Variants in MYO1E observed in about 807,000 individuals in gnomAD.
The protein encoded by MYO1E is myosin IE.
In MYO1E, 68 loss-of-function variants were observed where a neutral mutation model predicts 151.1. That is an observed-to-expected ratio of 0.45 (90% confidence interval 0.37 to 0.55). The LOEUF is 0.55. Among genes scored for constraint, MYO1E ranks in the 20% least tolerant of loss-of-function variants. The probability of loss-of-function intolerance (pLI) is 0.00; values close to 1 mark genes in which losing one functional copy is unlikely to be tolerated. For synonymous variants in MYO1E, 601 were observed against 501.7 expected (o/e 1.20, Z -2.64); for missense variants, 1,363 against 1,389.3 (o/e 0.98, Z 0.30).
intron 26 of MYO1E, among the ~76,000 whole-genome samples, chr15:59,139,622 C>T (rs553167070): frequency 1.3e-5 from 2 of 151,550 alleles, no homozygotes; most frequent in East Asian, 3.9e-4. Flanking sequence ...GCAGACGGCC[C>T]TCCTACCCCT....
chr15:59,251,257 T>G (rs892485277), intron 4 of MYO1E, among the ~76,000 whole-genome samples: 1 of 152,212 alleles, frequency 6.6e-6, no homozygotes, highest in South Asian at 2.1e-4. Context: ...TCATTAGATA[T>G]AACCTTAAAC....
intron 22 of MYO1E, among the ~76,000 whole-genome samples, chr15:59,164,032 C>T (rs2079551626): frequency 6.6e-6 from 1 of 152,156 alleles, no homozygotes; most frequent in African/African-American, 2.4e-5. Context: ...AAATTTATGC[C>T]TGGAGGGGAG....
intron 1 of MYO1E, among the ~76,000 whole-genome samples, chr15:59,281,964 A>C (rs2080355549): frequency 6.6e-6 from 1 of 151,464 alleles, no homozygotes; most frequent in Non-Finnish European, 1.5e-5. Flanking sequence ...CCCTGTTCAA[A>C]AAAAAAAAAG....
intron 17 of MYO1E, among the ~76,000 whole-genome samples, chr15:59,189,167 C>G (rs1438737985): frequency 6.6e-6 from 1 of 151,946 alleles, no homozygotes; most frequent in East Asian, 1.9e-4. Context: ...TCAGGTGATC[C>G]TCCTATTTCA....
intron 3 of MYO1E, among the ~76,000 whole-genome samples, chr15:59,258,022 T>G (rs1338922557): frequency 1.3e-5 from 2 of 152,134 alleles, no homozygotes. Context: ...TGCCATAAGA[T>G]TTTTGGGCAG....
chr15:59,367,984 G>T (rs2080924024), intron 1 of MYO1E, among the ~76,000 whole-genome samples: 1 of 151,994 alleles, frequency 6.6e-6, no homozygotes, highest in African/African-American at 2.4e-5. Flanking sequence ...GGCGGGTGTG[G>T]TGGTGGGGCC....
intron 1 of MYO1E, among the ~76,000 whole-genome samples, chr15:59,286,599 T>C (rs773567968): frequency 7.9e-5 from 12 of 152,122 alleles, no homozygotes; most frequent in Non-Finnish European, 1.5e-4. Context: ...TGTCTTGATG[T>C]GGGCACAGCC....
intron 1 of MYO1E, among the ~76,000 whole-genome samples, chr15:59,349,993 G>A (rs948535134): frequency 2.0e-5 from 3 of 152,158 alleles, no homozygotes; most frequent in Non-Finnish European, 4.4e-5. Context: ...CAGAAAGGAG[G>A]GGTGGCTAGA....
intron 1 of MYO1E, among the ~76,000 whole-genome samples, chr15:59,363,523 G>C (rs1027812879): frequency 6.6e-6 from 1 of 152,114 alleles, no homozygotes; most frequent in Non-Finnish European, 1.5e-5. Context: ...ACGTGGACTC[G>C]GCATTGTCAA....
At chr15:59,275,639 A>G (rs1221255629) in intron 1 of MYO1E, among the ~76,000 whole-genome samples, 1 of 152,186 alleles carries the variant, frequency 6.6e-6, no homozygotes, top group African/African-American at 2.4e-5. Flanking sequence ...CTAAAAACCC[A>G]CCCAGATGAG....
At chr15:59,176,512 A>C (rs2079626365) in intron 19 of MYO1E, among the ~76,000 whole-genome samples, 1 of 143,648 alleles carries the variant, frequency 7.0e-6, no homozygotes, top group Non-Finnish European at 1.5e-5. Context: ...CCCAGGCTGG[A>C]CTGCAGTGGT....
rs769076388 is a variant in MYO1E at position 59,163,252 on chromosome 15, C to T, written c.2532G>A (p.Leu844=). ...ATTCAGTTTTGAAGACAGATTCAAG[C>T]AAACTGTCATACTCTTGCTCATGGA... ...FILHEQEYDS[L]LESVFKTEFL... Residue 844 remains leucine, a synonymous_variant, in exon 23 of 28, where the codon TTG becomes TTA. Transcript: ENST00000288235. 3.3e-5 allele frequency: 53 copies of T among 1,613,560 alleles called. No homozygotes were observed. The highest frequency in any genetic ancestry group is 4.2e-5 in the Non-Finnish European group (50 of 1,179,596).
intron 1 of MYO1E, among the ~76,000 whole-genome samples, chr15:59,334,712 T>G (rs1243914673): frequency 6.6e-6 from 1 of 152,220 alleles, no homozygotes; most frequent in African/African-American, 2.4e-5. Context: ...CAGAGATCAC[T>G]TGGCAAGGGC....
At chr15:59,190,328 G>A (rs2079725429) in intron 17 of MYO1E, among the ~76,000 whole-genome samples, 1 of 152,160 alleles carries the variant, frequency 6.6e-6, no homozygotes, top group Non-Finnish European at 1.5e-5. Context: ...TGCTGATAAC[G>A]GGGCTAATGC....
chr15:59,151,101 C>T (rs1185717795), intron 26 of MYO1E, among the ~76,000 whole-genome samples: 1 of 151,902 alleles, frequency 6.6e-6, no homozygotes, highest in Non-Finnish European at 1.5e-5. Flanking sequence ...GGGCGGCATC[C>T]ACTCTACTGA....
rs149048855 is a variant in MYO1E, at chr15:59,278,229, T to C, written c.4-5780A>G. 5.9e-3 allele frequency among the ~76,000 whole-genome samples: 906 copies of C among 152,280 alleles called. 6 individuals carry two copies. The highest frequency in any genetic ancestry group is 0.021 in the African/African-American group (862 of 41,550). Reference sequence around the variant, plus strand: ...CCATGAGCACAACAGGACAGCAGATTTGATTTCAGAAAACCTGGGACTAGA... The same window carrying C: ...CCATGAGCACAACAGGACAGCAGATCTGATTTCAGAAAACCTGGGACTAGA... On this transcript the variant is annotated intron_variant, in intron 1 of 27. Transcript: ENST00000288235.
intron 1 of MYO1E, among the ~76,000 whole-genome samples, chr15:59,313,011 C>A (rs1335588897): frequency 6.6e-6 from 1 of 152,164 alleles, no homozygotes; most frequent in Non-Finnish European, 1.5e-5. Context: ...TTGGGCCCCA[C>A]CCTAAACCTG....
At chr15:59,240,593 GTTC>G (rs1394705619) in intron 4 of MYO1E, among the ~76,000 whole-genome samples, 1 of 152,086 alleles carries the variant, frequency 6.6e-6, no homozygotes, top group Non-Finnish European at 1.5e-5. Context: ...AAATATTTCA[GTTC>G]TTTTTTATTT....
intron 22 of MYO1E, among the ~76,000 whole-genome samples, chr15:59,165,484 T>TGG (rs1211020693): frequency 6.6e-6 from 1 of 152,212 alleles, no homozygotes; most frequent in African/African-American, 2.4e-5. Context: ...CCACACATCA[T>TGG]AGCCATGCTT....
Sources: gnomAD v4.1 joint callset for allele counts (sites outside exome capture counted in the v4.1 genomes callset) on GRCh38, gnomAD v4.1.1 for gene constraint, MANE v1.5 for transcripts, NCBI Gene and HGNC (gene_info 2026-07-23, HGNC 2026-07-21) for gene names.